The following ADGRB3 variants were observed in gnomAD, a reference collection of about 807,000 sequenced individuals.
The protein encoded by ADGRB3 is brain-specific angiogenesis inhibitor 3.
ADGRB3 carries 37 observed loss-of-function variants against 193.4 expected under a neutral mutation model. The observed-to-expected ratio is 0.19, with a 90% CI of 0.15 to 0.25. ADGRB3 has a LOEUF of 0.25. Ranked by LOEUF, ADGRB3 falls within the 10% of genes least tolerant of loss-of-function variation. ADGRB3 has a pLI of 1.00. For missense variants in ADGRB3, 1,637 were observed against 1,852.9 expected (o/e 0.88, Z 2.14); for synonymous variants, 690 against 644.2 (o/e 1.07, Z -1.08).
intron 29 of ADGRB3, among the ~76,000 whole-genome samples, chr6:69,369,812 A>G (rs1489982219): frequency 1.3e-5 from 2 of 151,980 alleles, no homozygotes; most frequent in African/African-American, 4.8e-5. Flanking sequence ...TTTCTAAGTT[A>G]TTTTACTCAA....
chr6:69,045,416 TCA>T (rs1771206763), intron 13 of ADGRB3, among the ~76,000 whole-genome samples: 1 of 152,098 alleles, frequency 6.6e-6, no homozygotes, highest in African/African-American at 2.4e-5. Context: ...AATTTGAATC[TCA>T]TCAGTGTATG....
At chr6:68,997,055 T>TA (rs1183946646) in intron 11 of ADGRB3, among the ~76,000 whole-genome samples, 1 of 152,192 alleles carries the variant, frequency 6.6e-6, no homozygotes. Flanking sequence ...GGTATTTTAT[T>TA]AAAAATGGCT....
intron 20 of ADGRB3, among the ~76,000 whole-genome samples, chr6:69,310,067 T>A (rs189265806): frequency 6.6e-6 from 1 of 151,880 alleles, no homozygotes; most frequent in Admixed American, 6.6e-5. Flanking sequence ...TCTCAGCTCA[T>A]CCACATTACT....
Position 69,049,454 on chromosome 6 carries a change from T to G in ADGRB3, c.2333+108T>G, listed in dbSNP as rs1440266242. On this transcript the variant is annotated intron_variant, in intron 15 of 31. Transcript: ENST00000370598. ...ACAAGCTGTGGTAATATGAAGGGAT[T>G]TTTCTTAAATGAAATAGAAAATACA... 8.1e-6 allele frequency: 6 copies of G among 739,740 alleles called. No homozygotes were observed. The African/African-American group carries it at 9.1e-5, about 11-fold the overall frequency. The allele number at this position is 739,740 out of a possible 1,614,324, so 45.8% of individuals were successfully genotyped here.
chr6:68,691,059 T>C (rs1460009389), intron 3 of ADGRB3, among the ~76,000 whole-genome samples: 8 of 152,112 alleles, frequency 5.3e-5, no homozygotes, highest in Non-Finnish European at 2.9e-5. Flanking sequence ...AAAAATACTT[T>C]TAACTGATTT....
At chr6:68,793,776 G>T (rs543220409) in intron 3 of ADGRB3, among the ~76,000 whole-genome samples, 18 of 152,090 alleles carry the variant, frequency 1.2e-4, no homozygotes, top group South Asian at 1.0e-3. Context: ...TGATCTGGCT[G>T]CCTGCTCCTC....
At chr6:68,993,231 A>G (rs544219916) in intron 10 of ADGRB3, among the ~76,000 whole-genome samples, 42 of 152,172 alleles carry the variant, frequency 2.8e-4, no homozygotes, top group East Asian at 3.9e-4. Flanking sequence ...CTGGTTTTCA[A>G]TCATGTCATA....
intron 20 of ADGRB3, among the ~76,000 whole-genome samples, chr6:69,309,321 G>T (rs1398578894): frequency 6.6e-6 from 1 of 151,614 alleles, no homozygotes; most frequent in Non-Finnish European, 1.5e-5. Context: ...AAGTGATTTT[G>T]AATTCATGGG....
At chr6:69,371,135 G>A (rs1324211670) in intron 29 of ADGRB3, among the ~76,000 whole-genome samples, 1 of 152,086 alleles carries the variant, frequency 6.6e-6, no homozygotes, top group East Asian at 1.9e-4. Flanking sequence ...GTCTTAAGCA[G>A]CTTCACTAAA....
chr6:69,251,876 T>G (rs2127267327), intron 20 of ADGRB3, among the ~76,000 whole-genome samples: 1 of 152,304 alleles, frequency 6.6e-6, no homozygotes, highest in Non-Finnish European at 1.5e-5. Context: ...TCTCAAGAAC[T>G]TATTGGTCTC....
chr6:69,098,438 G>T (rs1233890614), intron 17 of ADGRB3, among the ~76,000 whole-genome samples: 1 of 152,170 alleles, frequency 6.6e-6, no homozygotes, highest in Non-Finnish European at 1.5e-5. Flanking sequence ...CTACTATAAA[G>T]AACTACCTGA....
At chr6:69,244,650 T>C (rs1766455171) in intron 20 of ADGRB3, among the ~76,000 whole-genome samples, 1 of 152,096 alleles carries the variant, frequency 6.6e-6, no homozygotes, top group Non-Finnish European at 1.5e-5. Context: ...TTGGGAGATA[T>C]CAGTCTCAGA....
At chr6:69,024,175 C>G (rs1319368026) in intron 13 of ADGRB3, among the ~76,000 whole-genome samples, 1 of 151,946 alleles carries the variant, frequency 6.6e-6, no homozygotes, top group African/African-American at 2.4e-5. Flanking sequence ...AAGTTGGTGT[C>G]AGAGTAATAA....
At chr6:68,948,533 A>G (rs1052200104) in intron 6 of ADGRB3, among the ~76,000 whole-genome samples, 1 of 152,076 alleles carries the variant, frequency 6.6e-6, no homozygotes, top group Admixed American at 6.6e-5. Flanking sequence ...AAAATTAAAC[A>G]CTTCGGGGAA....
intron 11 of ADGRB3, among the ~76,000 whole-genome samples, chr6:69,012,207 GT>G (rs1471123039): frequency 6.6e-6 from 1 of 151,260 alleles, no homozygotes; most frequent in Non-Finnish European, 1.5e-5. Flanking sequence ...GTTTTTTTTT[GT>G]TTTTGTTTTG....
intron 17 of ADGRB3, among the ~76,000 whole-genome samples, chr6:69,215,673 A>T (rs1765760436): frequency 6.6e-6 from 1 of 152,128 alleles, no homozygotes. Context: ...AGACATTTCA[A>T]AGACTTCGGG....
At chr6:69,131,188 A>G (rs1773998114) in intron 17 of ADGRB3, among the ~76,000 whole-genome samples, 1 of 152,132 alleles carries the variant, frequency 6.6e-6, no homozygotes, top group Non-Finnish European at 1.5e-5. Context: ...AGAAATCATG[A>G]AATTATTGCA....
intron 3 of ADGRB3, among the ~76,000 whole-genome samples, chr6:68,646,110 T>G (rs930463181): frequency 1.3e-5 from 2 of 152,224 alleles, no homozygotes; most frequent in African/African-American, 4.8e-5. Flanking sequence ...AAAAATTGTT[T>G]ATCATTTGTA....
chr6:69,101,652 C>T (rs1302363302), intron 17 of ADGRB3, among the ~76,000 whole-genome samples: 1 of 150,048 alleles, frequency 6.7e-6, no homozygotes, highest in Non-Finnish European at 1.5e-5. Flanking sequence ...TATACAGAAA[C>T]ATTTTATGAT....
Sources: allele counts gnomAD v4.1 joint callset (sites outside exome capture counted in the v4.1 genomes callset), GRCh38; gene constraint gnomAD v4.1.1; transcripts MANE v1.5; gene names NCBI Gene and HGNC (gene_info 2026-07-23, HGNC 2026-07-21).